The following MCTP2 variants were observed in gnomAD, a reference collection of about 807,000 sequenced individuals.
The protein encoded by MCTP2 is multiple C2 and transmembrane domain-containing protein 2.
In MCTP2, 132 loss-of-function variants were observed where a neutral mutation model predicts 111.6. That is an observed-to-expected ratio of 1.18 (90% confidence interval 1.03 to 1.37). The LOEUF (loss-of-function observed/expected upper bound fraction) is 1.37. MCTP2 is among the 40% of genes most tolerant of loss of function. MCTP2 has a pLI of 0.00. For missense variants in MCTP2, 1,183 were observed against 1,067.9 expected (o/e 1.11, Z -1.50); for synonymous variants, 395 against 387.7 (o/e 1.02, Z -0.22).
intron 1 of MCTP2, among the ~76,000 whole-genome samples, chr15:94,246,376 C>G (rs2072008647): frequency 6.6e-6 from 1 of 152,134 alleles, no homozygotes; most frequent in African/African-American, 2.4e-5. Flanking sequence ...CTAATAGTAC[C>G]TACCTTATAG....
At chr15:94,236,312 A>G (rs931472380) in intron 1 of MCTP2, among the ~76,000 whole-genome samples, 4 of 134,170 alleles carry the variant, frequency 3.0e-5, no homozygotes, top group East Asian at 2.2e-4. Flanking sequence ...GCCTTGTCCT[A>G]TTACATTTTT....
intron 20 of MCTP2, among the ~76,000 whole-genome samples, chr15:94,467,762 C>G (rs909316274): frequency 2.0e-5 from 3 of 152,150 alleles, no homozygotes. Context: ...TGAACTGGAT[C>G]CCGTTGTGGA....
intron 20 of MCTP2, 53 bp from the exon 21 acceptor site, chr15:94,470,280 T>C (rs1433942681): frequency 4.1e-6 from 5 of 1,224,782 alleles, no homozygotes; most frequent in East Asian, 4.7e-5. Flanking sequence ...AAGTTGACTC[T>C]GTGGCAGTTG....
At chr15:94,319,466 G>A (rs557412140) in intron 4 of MCTP2, among the ~76,000 whole-genome samples, 3 of 152,334 alleles carry the variant, frequency 2.0e-5, no homozygotes, top group African/African-American at 7.2e-5. Context: ...ACATCTCTGA[G>A]CCCCGCACAC....
intron 3 of MCTP2, among the ~76,000 whole-genome samples, chr15:94,314,569 T>C (rs2076295681): frequency 1.3e-5 from 2 of 152,160 alleles, no homozygotes; most frequent in Non-Finnish European, 2.9e-5. Context: ...ACAGAGTAAC[T>C]ATGAAATTGA....
intron 1 of MCTP2, among the ~76,000 whole-genome samples, chr15:94,254,507 A>G (rs1213203074): frequency 6.6e-6 from 1 of 152,232 alleles, no homozygotes; most frequent in African/African-American, 2.4e-5. Context: ...AAACTCATGG[A>G]CAAGAAGACA....
chr15:94,303,291 A>T (rs1027201536), intron 2 of MCTP2, among the ~76,000 whole-genome samples: 2 of 151,704 alleles, frequency 1.3e-5, no homozygotes, highest in African/African-American at 2.4e-5. Context: ...AAGAATTTGG[A>T]TTCGGATGTT....
At chr15:94,463,896 T>C (rs1244211646) in intron 20 of MCTP2, among the ~76,000 whole-genome samples, 1 of 152,098 alleles carries the variant, frequency 6.6e-6, no homozygotes, top group Non-Finnish European at 1.5e-5. Context: ...TTTCAAATGG[T>C]AAACCAATCT....
At chr15:94,238,356 G>A (rs186783456) in intron 1 of MCTP2, among the ~76,000 whole-genome samples, 9 of 152,138 alleles carry the variant, frequency 5.9e-5, no homozygotes, top group Admixed American at 3.3e-4. Context: ...TATATCGTAT[G>A]AATCATAAAT....
At chr15:94,268,653 A>G (rs143334115) in intron 1 of MCTP2, among the ~76,000 whole-genome samples, 1 of 152,160 alleles carries the variant, frequency 6.6e-6, no homozygotes, top group East Asian at 1.9e-4. Context: ...GTATATTCAT[A>G]GTATATGTTC....
At chr15:94,439,123 A>C (rs2083637833) in intron 17 of MCTP2, among the ~76,000 whole-genome samples, 1 of 152,232 alleles carries the variant, frequency 6.6e-6, no homozygotes, top group African/African-American at 2.4e-5. Context: ...AATAATGACA[A>C]GTTTGAAAAA....
At chr15:94,234,454 C>T (rs2070400541) in intron 1 of MCTP2, among the ~76,000 whole-genome samples, 1 of 152,214 alleles carries the variant, frequency 6.6e-6, no homozygotes, top group Non-Finnish European at 1.5e-5. Context: ...GAACACTCAG[C>T]ATTTCCCAGC....
chr15:94,417,821 A>T (rs1421412763), intron 17 of MCTP2, among the ~76,000 whole-genome samples: 1 of 152,146 alleles, frequency 6.6e-6, no homozygotes, highest in Non-Finnish European at 1.5e-5. Context: ...ACTTTGCTAT[A>T]AATAGCATCA....
intron 20 of MCTP2, among the ~76,000 whole-genome samples, chr15:94,464,257 T>TATATATATATATATATATATATA (rs4001978): frequency 4.4e-5 from 2 of 44,948 alleles, no homozygotes; most frequent in African/African-American, 1.2e-4. Context: ...TATATATATA[T>TATATATATATATATATATATATA]TATATATATA....
intron 17 of MCTP2, among the ~76,000 whole-genome samples, chr15:94,431,966 A>G (rs901467709): frequency 3.9e-5 from 6 of 152,178 alleles, no homozygotes; most frequent in Non-Finnish European, 7.3e-5. Context: ...TCTTGTCTCA[A>G]AGACCACTCC....
chr15:94,358,738 G>GT (rs1269111677), intron 10 of MCTP2, 126 bp downstream of exon 10: 3 of 1,099,368 alleles, frequency 2.7e-6, no homozygotes, highest in Admixed American at 3.0e-5. Context: ...TGCCATCAGT[G>GT]AGCTGGATGG....
intron 14 of MCTP2, among the ~76,000 whole-genome samples, chr15:94,398,738 A>G (rs891486429): frequency 1.3e-5 from 2 of 152,178 alleles, no homozygotes; most frequent in East Asian, 3.8e-4. Flanking sequence ...TCCACACACC[A>G]GTTTCAGCCT....
At chr15:94,312,272 TC>T (rs1419432415) in intron 2 of MCTP2, among the ~76,000 whole-genome samples, 1 of 152,190 alleles carries the variant, frequency 6.6e-6, no homozygotes, top group African/African-American at 2.4e-5. Context: ...TACAAATAAA[TC>T]TATTGATATT....
chr15:94,370,145 T>G lies in MCTP2; in HGVS notation c.1547T>G (p.Leu516Ter). The change falls in exon 12 of 23, where the codon TTA (leucine) becomes TGA (stop). Residue 516 changes from leucine (L) to a stop codon, truncating the protein, a stop_gained. Transcript: ENST00000357742. LOFTEE classifies it high-confidence loss of function. ...KDVGILQVKV[L>*]KAADLLAADF... is the part of the protein sequence containing the mutation. ...GTCGGCATTCTACAAGTGAAGGTTTTAAAGGCAGCAGATCTCTTAGCGGCA... is the reference window on the plus strand; with the variant it reads ...GTCGGCATTCTACAAGTGAAGGTTTGAAAGGCAGCAGATCTCTTAGCGGCA... The G allele has an allele frequency of 6.2e-7, 1 of 1,613,602 alleles. No individual in the cohort carries two copies.
Sources: gnomAD v4.1 joint callset for allele counts (sites outside exome capture counted in the v4.1 genomes callset) on GRCh38, gnomAD v4.1.1 for gene constraint, MANE v1.5 for transcripts, NCBI Gene and HGNC (gene_info 2026-07-23, HGNC 2026-07-21) for gene names.